The following DNAJC1 variants were observed in gnomAD, a reference collection of about 807,000 sequenced individuals.
DNAJC1 encodes dnaJ homolog subfamily C member 1.
In DNAJC1, 58 loss-of-function variants were observed where a neutral mutation model predicts 76.6. That is an observed-to-expected ratio of 0.76 (90% CI 0.61 to 0.94). The LOEUF is 0.94. DNAJC1 is among the 40% of genes least tolerant of loss of function. The pLI is 0.00. For synonymous variants in DNAJC1, 258 were observed against 267.9 expected, an observed-to-expected ratio of 0.96 and a Z score of 0.36; for missense variants, 689 against 677.3, an observed-to-expected ratio of 1.02 and a Z score of -0.19.
intron 1 of DNAJC1, among the ~76,000 whole-genome samples, chr10:21,969,132 G>A (rs920319627): frequency 6.6e-6 from 1 of 150,830 alleles, no homozygotes; most frequent in African/African-American, 2.4e-5. Flanking sequence ...GCTGAGGCAG[G>A]ATAATTGCTT....
chr10:21,837,899 C>T (rs1433551432), intron 8 of DNAJC1, among the ~76,000 whole-genome samples: 26 of 148,682 alleles, frequency 1.7e-4, no homozygotes, highest in Non-Finnish European at 2.7e-4. Context: ...CGGCCAGCCG[C>T]CCCGTCCGGG....
At chr10:21,930,029 G>C (rs1252445845) in intron 1 of DNAJC1, among the ~76,000 whole-genome samples, 1 of 152,158 alleles carries the variant, frequency 6.6e-6, no homozygotes, top group Non-Finnish European at 1.5e-5. Flanking sequence ...AGGCTGGAGT[G>C]CGGCGGCACA....
At chr10:21,935,242 A>T (rs1434854590) in intron 1 of DNAJC1, among the ~76,000 whole-genome samples, 12 of 152,148 alleles carry the variant, frequency 7.9e-5, no homozygotes, top group African/African-American at 2.7e-4. Context: ...ACTAAAGGAA[A>T]ATATGAGAAT....
At chr10:21,908,489 T>G (rs372519635) in intron 6 of DNAJC1, among the ~76,000 whole-genome samples, 5 of 137,096 alleles carry the variant, frequency 3.6e-5, no homozygotes, top group East Asian at 2.1e-4. Flanking sequence ...CCATTTTTCA[T>G]GGGGGGGGGG....
chr10:21,955,188 G>A (rs1454059672), intron 1 of DNAJC1, among the ~76,000 whole-genome samples: 1 of 152,146 alleles, frequency 6.6e-6, no homozygotes, highest in Non-Finnish European at 1.5e-5. Context: ...AATTTAATCC[G>A]TTATAACATT....
Position 21,918,722 on chromosome 10 carries a change from T to C in DNAJC1, c.729+57A>G. 3.8e-6 allele frequency: 5 copies of C among 1,330,758 alleles called. No individual in the cohort carries two copies. In the South Asian group the frequency reaches 6.0e-5, roughly 16 times the overall value. 82.4% of individuals were successfully genotyped at this position (1,330,758 alleles called of 1,614,324 possible). ...AGAGAGCCGACATGGGCATAAATTA[T>C]TTCATGAGTGATTAAAAATAAAAGA... On this transcript the variant is annotated intron_variant, in intron 6 of 11. Transcript: ENST00000376980.
intron 8 of DNAJC1, among the ~76,000 whole-genome samples, chr10:21,838,696 CAG>C (rs1835515961): frequency 6.6e-6 from 1 of 152,082 alleles, no homozygotes; most frequent in Admixed American, 6.6e-5. Flanking sequence ...ATCAACGAGA[CAG>C]AAAGTTAACA....
chr10:21,781,456 T>G (rs1834526261), intron 9 of DNAJC1, among the ~76,000 whole-genome samples: 1 of 152,188 alleles, frequency 6.6e-6, no homozygotes, highest in South Asian at 2.1e-4. Context: ...GCGCGGTGGC[T>G]CACGCCTGTA....
At chr10:21,863,139 A>C (rs1349297744) in intron 8 of DNAJC1, among the ~76,000 whole-genome samples, 1 of 151,912 alleles carries the variant, frequency 6.6e-6, no homozygotes, top group Non-Finnish European at 1.5e-5. Flanking sequence ...TCTCAGAAAA[A>C]ACAAACAAAC....
chr10:21,925,055 C>A (rs947572358), intron 3 of DNAJC1, among the ~76,000 whole-genome samples: 1 of 152,080 alleles, frequency 6.6e-6, no homozygotes, highest in African/African-American at 2.4e-5. Flanking sequence ...TACAATGGCA[C>A]GATCATGGCT....
At chr10:21,769,089 T>C (rs1834341323) in intron 9 of DNAJC1, among the ~76,000 whole-genome samples, 1 of 152,196 alleles carries the variant, frequency 6.6e-6, no homozygotes, top group Non-Finnish European at 1.5e-5. Flanking sequence ...CTGCCTCTTG[T>C]TCCCTAATAG....
At chr10:21,797,701 G>C (rs374804834) in intron 9 of DNAJC1, among the ~76,000 whole-genome samples, 2 of 152,086 alleles carry the variant, frequency 1.3e-5, no homozygotes, top group Admixed American at 6.6e-5. Context: ...CCTGATAAAA[G>C]GATGAGTTCA....
intron 8 of DNAJC1, among the ~76,000 whole-genome samples, chr10:21,825,265 T>C (rs1347691028): frequency 6.6e-6 from 1 of 152,256 alleles, no homozygotes; most frequent in African/African-American, 2.4e-5. Context: ...ATTGTGTCTC[T>C]ACAGATTTAC....
At chr10:21,868,126 TTC>T (rs1205609291) in intron 8 of DNAJC1, among the ~76,000 whole-genome samples, 1 of 73,262 alleles carries the variant, frequency 1.4e-5, no homozygotes, top group African/African-American at 4.6e-5. Context: ...AATGAAAATA[TTC>T]TTTTTTTTTT....
chr10:21,956,745 A>G lies in DNAJC1; in HGVS notation c.223-27604T>C, dbSNP rs1837690815. ...ACCCTACCTGGCACCTTGCCTCAAC[A>G]GTCTATTTTCAGCACAGCAGCCAGA... is the stretch of plus-strand genomic sequence containing the variant. On this transcript the variant is annotated intron_variant, in intron 1 of 11. Coordinates refer to ENST00000376980, the MANE Select transcript of DNAJC1 (RefSeq NM_022365.4). 2.0e-5 allele frequency among the ~76,000 whole-genome samples: 3 copies of G among 151,772 alleles called. No individual in the cohort carries two copies. In the South Asian group the frequency reaches 6.3e-4, roughly 32 times the overall value.
chr10:21,857,854 C>CA (rs1466594831), intron 8 of DNAJC1, among the ~76,000 whole-genome samples: 8 of 148,018 alleles, frequency 5.4e-5, no homozygotes, highest in East Asian at 2.0e-4. Flanking sequence ...GGCTCCGTCT[C>CA]AAAAAAACAA....
chr10:21,878,027 T>C (rs1836216441), intron 8 of DNAJC1, among the ~76,000 whole-genome samples: 1 of 152,238 alleles, frequency 6.6e-6, no homozygotes, highest in African/African-American at 2.4e-5. Context: ...TTGTTGTCTG[T>C]CTGAAATGGC....
intron 8 of DNAJC1, among the ~76,000 whole-genome samples, chr10:21,877,131 G>A (rs765412072): frequency 2.0e-5 from 3 of 151,914 alleles, no homozygotes; most frequent in Non-Finnish European, 4.4e-5. Flanking sequence ...AAAATTAGCC[G>A]GGTGTGGTGG....
At chr10:21,991,442 A>T (rs2131847182) in intron 1 of DNAJC1, among the ~76,000 whole-genome samples, 1 of 152,350 alleles carries the variant, frequency 6.6e-6, no homozygotes, top group Non-Finnish European at 1.5e-5. Context: ...ACTTTATACC[A>T]ATAGCCTTTA....
Sources: gnomAD v4.1 joint callset for allele counts (sites outside exome capture counted in the v4.1 genomes callset) on GRCh38, gnomAD v4.1.1 for gene constraint, MANE v1.5 for transcripts, NCBI Gene and HGNC (gene_info 2026-07-23, HGNC 2026-07-21) for gene names.